Variants in FHIT observed in about 807,000 individuals in gnomAD.
FHIT encodes the protein bis(5'-adenosyl)-triphosphatase.
FHIT carries 19 observed loss-of-function variants against 17.9 expected under a neutral mutation model. That is an observed-to-expected ratio of 1.06 (90% CI 0.74 to 1.56). The LOEUF (loss-of-function observed/expected upper bound fraction) is 1.56, where lower values mean the gene tolerates loss of function less well. FHIT is among the 40% of genes most tolerant of loss of function. The probability of loss-of-function intolerance (pLI) is 0.00; values close to 1 mark genes in which losing one functional copy is unlikely to be tolerated. For missense variants in FHIT, 248 were observed against 189.2 expected (o/e 1.31, Z -1.82); for synonymous variants, 81 against 69.7 (o/e 1.16, Z -0.81).
intron 3 of FHIT, among the ~76,000 whole-genome samples, chr3:60,858,604 C>A (rs189381092): frequency 6.6e-6 from 1 of 152,232 alleles, no homozygotes; most frequent in Non-Finnish European, 1.5e-5. Flanking sequence ...ACAATCAAAC[C>A]CAAAATGCCT....
chr3:60,317,633 G>A (rs1036527909), intron 5 of FHIT, among the ~76,000 whole-genome samples: 135 of 141,852 alleles, frequency 9.5e-4, no homozygotes, highest in African/African-American at 3.5e-3. Flanking sequence ...GTGTGTGTGT[G>A]TGTATATATA....
intron 5 of FHIT, among the ~76,000 whole-genome samples, chr3:60,493,785 A>C (rs1161793290): frequency 6.6e-6 from 1 of 152,214 alleles, no homozygotes; most frequent in Non-Finnish European, 1.5e-5. Context: ...AATACTTAGA[A>C]TTGGATTTCA....
chr3:60,576,759 G>T (rs2037579007), intron 4 of FHIT, among the ~76,000 whole-genome samples: 1 of 152,144 alleles, frequency 6.6e-6, no homozygotes. Flanking sequence ...CAGGGGAATA[G>T]ATTTAAAATA....
At chr3:60,141,943 G>C (rs1700055037) in intron 5 of FHIT, among the ~76,000 whole-genome samples, 1 of 152,128 alleles carries the variant, frequency 6.6e-6, no homozygotes, top group African/African-American at 2.4e-5. Flanking sequence ...CCAAGTGTCA[G>C]AGTTTAAAAT....
chr3:60,520,407 G>A (rs528169790), intron 5 of FHIT, among the ~76,000 whole-genome samples: 5 of 152,094 alleles, frequency 3.3e-5, no homozygotes, highest in East Asian at 3.9e-4. Context: ...TTAATGCTCC[G>A]TACCTCCTGT....
intron 5 of FHIT, among the ~76,000 whole-genome samples, chr3:60,236,915 T>C (rs1559751487): frequency 5.3e-5 from 8 of 152,300 alleles, no homozygotes. Context: ...GTCTCATGCA[T>C]ATGTAGAATC....
chr3:60,214,690 T>C (rs1258849661), intron 5 of FHIT, among the ~76,000 whole-genome samples: 1 of 152,138 alleles, frequency 6.6e-6, no homozygotes, highest in Non-Finnish European at 1.5e-5. Flanking sequence ...AAATAAATCT[T>C]TCTGCCAAAA....
chr3:61,189,792 T>C (rs1488408969), intron 2 of FHIT, among the ~76,000 whole-genome samples: 1 of 151,942 alleles, frequency 6.6e-6, no homozygotes, highest in Non-Finnish European at 1.5e-5. Flanking sequence ...TATCTACAAC[T>C]ATCTGATCTT....
intron 5 of FHIT, among the ~76,000 whole-genome samples, chr3:60,121,349 T>A (rs761757707): frequency 1.1e-4 from 16 of 152,186 alleles, no homozygotes; most frequent in Non-Finnish European, 2.2e-4. Flanking sequence ...GCTGTTTCAC[T>A]TTTCATGGTT....
At chr3:60,368,195 T>A (rs9837929) in intron 5 of FHIT, among the ~76,000 whole-genome samples, 82,896 of 140,622 alleles carry the variant, frequency 0.59, 23,717 homozygotes, top group African/African-American at 0.65. Flanking sequence ...CATATCTTTT[T>A]AAAAAAAAAA....
chr3:60,073,167 T>C (rs940964996), intron 5 of FHIT, among the ~76,000 whole-genome samples: 90 of 152,314 alleles, frequency 5.9e-4, no homozygotes, highest in Non-Finnish European at 2.9e-4. Context: ...TTGCTAACCA[T>C]ACAGGTAAAT....
intron 8 of FHIT, among the ~76,000 whole-genome samples, chr3:59,884,555 G>A (rs1177826654): frequency 4.6e-5 from 7 of 152,150 alleles, no homozygotes; most frequent in South Asian, 4.1e-4. Flanking sequence ...TTGAAGTTCC[G>A]TAAAACCATT....
chr3:59,927,471 A>AAAAC (rs796854494), intron 7 of FHIT, among the ~76,000 whole-genome samples: 2 of 146,488 alleles, frequency 1.4e-5, no homozygotes, highest in Non-Finnish European at 3.0e-5. Context: ...CTTAAAAAAA[A>AAAAC]AAAAAAAAAC....
chr3:60,014,185 G>A, intron 5 of FHIT, 33 bp from the exon 6 acceptor site: 1 of 1,611,486 alleles, frequency 6.2e-7, no homozygotes. Context: ...CCATGCTGCT[G>A]GCTTTGGGTA....
At chr3:61,198,773 C>T (rs1451446619) in intron 2 of FHIT, among the ~76,000 whole-genome samples, 1 of 152,080 alleles carries the variant, frequency 6.6e-6, no homozygotes, top group East Asian at 1.9e-4. Flanking sequence ...CAGAATTTTC[C>T]CTTCTTTGGT....
chr3:60,147,320 A>G (rs534560837), intron 5 of FHIT, among the ~76,000 whole-genome samples: 2 of 152,298 alleles, frequency 1.3e-5, no homozygotes, highest in South Asian at 4.1e-4. Flanking sequence ...AAATTTTAGA[A>G]TAAGAACTCT....
intron 4 of FHIT, among the ~76,000 whole-genome samples, chr3:60,696,924 G>A (rs2041125509): frequency 6.6e-6 from 1 of 152,034 alleles, no homozygotes; most frequent in African/African-American, 2.4e-5. Context: ...CATTTTGAGG[G>A]GAAGAGTATT....
At chr3:60,130,810 T>C (rs1334759189) in intron 5 of FHIT, among the ~76,000 whole-genome samples, 2 of 150,064 alleles carry the variant, frequency 1.3e-5, no homozygotes, top group African/African-American at 4.9e-5. Flanking sequence ...CATATATATG[T>C]GTGTATGTGT....
intron 7 of FHIT, among the ~76,000 whole-genome samples, chr3:59,933,358 A>G (rs1266143106): frequency 6.6e-6 from 1 of 152,206 alleles, no homozygotes; most frequent in African/African-American, 2.4e-5. Context: ...TTAAGTCATT[A>G]TCAGTTATAA....
Sources: gnomAD v4.1 joint callset for allele counts (sites outside exome capture counted in the v4.1 genomes callset) on GRCh38, gnomAD v4.1.1 for gene constraint, MANE v1.5 for transcripts, NCBI Gene and HGNC (gene_info 2026-07-23, HGNC 2026-07-21) for gene names.